ARHGEF18: variants seen among roughly 807,000 people sequenced by gnomAD.
ARHGEF18 encodes the protein rho guanine nucleotide exchange factor 18.
A neutral mutation model predicts 155.7 loss-of-function variants in ARHGEF18; 93 were observed. The ratio of observed to expected loss-of-function variants is 0.60; its 90% CI spans 0.50 to 0.71. The LOEUF (loss-of-function observed/expected upper bound fraction) is 0.71. Ranked by LOEUF, ARHGEF18 falls within the 30% of genes least tolerant of loss-of-function variation. The pLI, the probability that ARHGEF18 is intolerant of heterozygous loss-of-function variation, is 0.00. For synonymous variants in ARHGEF18, 742 were observed against 753.1 expected, an observed-to-expected ratio of 0.99 and a Z score of 0.24; for missense variants, 1,593 against 1,816.1, an observed-to-expected ratio of 0.88 and a Z score of 2.23.
intron 10 of ARHGEF18, among the ~76,000 whole-genome samples, chr19:7,407,315 A>G (rs1972377170): frequency 6.6e-6 from 1 of 151,566 alleles, no homozygotes. Context: ...AATCCCAGCT[A>G]CTCAGGAGGC....
At chr19:7,353,064 G>A (rs1433505348) in intron 1 of ARHGEF18, among the ~76,000 whole-genome samples, 2 of 147,438 alleles carry the variant, frequency 1.4e-5, no homozygotes, top group East Asian at 2.1e-4. Flanking sequence ...TCGAACTCCT[G>A]ACCTCCAGTG....
intron 10 of ARHGEF18, among the ~76,000 whole-genome samples, chr19:7,410,764 T>C (rs1438078656): frequency 1.4e-5 from 2 of 139,584 alleles, no homozygotes; most frequent in African/African-American, 5.2e-5. Flanking sequence ...GATCTGAGAT[T>C]GTGCTATTGC....
intron 17 of ARHGEF18, among the ~76,000 whole-genome samples, chr19:7,456,073 CAT>C (rs1483568108): frequency 6.6e-6 from 1 of 152,244 alleles, no homozygotes; most frequent in Non-Finnish European, 1.5e-5. Flanking sequence ...AGTGGCCTGA[CAT>C]GGGCGGGAGC....
chr19:7,433,613 G>A (rs1324086127), intron 10 of ARHGEF18, among the ~76,000 whole-genome samples: 1 of 150,864 alleles, frequency 6.6e-6, no homozygotes, highest in Non-Finnish European at 1.5e-5. Flanking sequence ...GGTGAGTCCT[G>A]TTCCTGTAAG....
chr19:7,465,285 C>A lies in ARHGEF18; in HGVS notation c.2904+595C>A, dbSNP rs76117075. ...GCAGGGCCTGTGTTCCCAGTCATGACCCGGTCCTGGGTCCTTCCTGTTATC... is the reference window on the plus strand; with the variant it reads ...GCAGGGCCTGTGTTCCCAGTCATGAACCGGTCCTGGGTCCTTCCTGTTATC... On this transcript the variant is annotated intron_variant, in intron 23 of 28. Coordinates refer to ENST00000668164, the MANE Select transcript of ARHGEF18 (RefSeq NM_001367823.1). Among the ~76,000 whole-genome samples, 692 of 152,292 alleles carry A rather than the reference C, an allele frequency of 4.5e-3. 8 individuals carry two copies. The highest frequency in any genetic ancestry group is 0.025 in the South Asian group (121 of 4,830).
chr19:7,423,564 G>A (rs1430764314), intron 10 of ARHGEF18, among the ~76,000 whole-genome samples: 1 of 151,970 alleles, frequency 6.6e-6, no homozygotes, highest in Non-Finnish European at 1.5e-5. Flanking sequence ...AGCCGGGCGT[G>A]GTAATGCATG....
intron 2 of ARHGEF18, among the ~76,000 whole-genome samples, chr19:7,363,922 GATAA>G (rs975762425): frequency 1.3e-5 from 2 of 151,362 alleles, no homozygotes; most frequent in Admixed American, 6.6e-5. Flanking sequence ...AAGGAGGATG[GATAA>G]ATAAAAGAAT....
intron 10 of ARHGEF18, among the ~76,000 whole-genome samples, chr19:7,400,741 G>A (rs1253593646): frequency 2.0e-5 from 3 of 152,172 alleles, no homozygotes; most frequent in Non-Finnish European, 2.9e-5. Context: ...GGCTGGAATG[G>A]AAGGATTGCT....
intron 10 of ARHGEF18, among the ~76,000 whole-genome samples, chr19:7,401,914 A>T (rs1972036270): frequency 6.6e-6 from 1 of 152,192 alleles, no homozygotes; most frequent in African/African-American, 2.4e-5. Context: ...AGAAGTTCCG[A>T]TACAGAGATG....
downstream of ARHGEF18, among the ~76,000 whole-genome samples, chr19:7,474,338 C>CA (rs1168948173): frequency 0.012 from 1,623 of 136,952 alleles, 22 homozygotes; most frequent in African/African-American, 0.04. Flanking sequence ...GACTTCGTCT[C>CA]AAAAAAAAAA....
chr19:7,463,787 A>G lies in ARHGEF18; in HGVS notation c.2636-31A>G. The stretch of plus-strand genomic sequence containing the variant: ...TCCCCCAGCACACTTCCGCAGGGCG[A>G]CCCGTGCCTCCTGTCCCCTTCCTTC... On this transcript the variant is annotated intron_variant, in intron 21 of 28. Coordinates refer to ENST00000668164, the MANE Select transcript of ARHGEF18 (RefSeq NM_001367823.1). This position sits in a 1 kb window ranked among gnomAD's most constrained non-coding sequence, Gnocchi z 5.2. 1 of 1,579,838 alleles carries G rather than the reference A, an allele frequency of 6.3e-7. No homozygotes were observed. Among genetic ancestry groups the G allele is most frequent in the Non-Finnish European group, 8.6e-7 (1 of 1,162,284 alleles).
At position 7,390,941 on chromosome 19, in the gene ARHGEF18, G is replaced by C. The variant is rs1387733604; in HGVS notation, c.967+7738G>C. Among the ~76,000 whole-genome samples, 3 of 152,250 alleles carry C rather than the reference G, an allele frequency of 2.0e-5. No individual in the cohort carries two copies. The East Asian group carries it at 5.8e-4, about 29-fold the overall frequency. On this transcript the variant is annotated intron_variant, in intron 10 of 28. Coordinates refer to ENST00000668164, the MANE Select transcript of ARHGEF18 (RefSeq NM_001367823.1). ...TGTAGTCCCAGCTACTTGGGAGACTGAGGCAGGAGAATCACTTGAACCCGG... is the reference window on the plus strand; with the variant it reads ...TGTAGTCCCAGCTACTTGGGAGACTCAGGCAGGAGAATCACTTGAACCCGG...
intron 15 of ARHGEF18, among the ~76,000 whole-genome samples, chr19:7,450,632 T>G: frequency 8.6e-6 from 1 of 115,702 alleles, no homozygotes; most frequent in African/African-American, 2.8e-5. Context: ...CCATTTCCAT[T>G]TCCAAGATGT....
chr19:7,373,470 T>TTTG (rs1568275284), intron 3 of ARHGEF18, among the ~76,000 whole-genome samples: 2 of 149,878 alleles, frequency 1.3e-5, no homozygotes, highest in East Asian at 3.9e-4. Flanking sequence ...TTTGTTTTTT[T>TTTG]TTTTTTGTTT....
At chr19:7,468,779 C>T in intron 26 of ARHGEF18, 46 bp from the exon 27 acceptor site, 2 of 1,482,372 alleles carry the variant, frequency 1.3e-6, no homozygotes, top group Non-Finnish European at 1.8e-6. Context: ...CCAGAGGCCG[C>T]ACAGCAGGAA....
chr19:7,450,164 C>T (rs1312902134), intron 15 of ARHGEF18, among the ~76,000 whole-genome samples: 39 of 151,532 alleles, frequency 2.6e-4, no homozygotes, highest in Non-Finnish European at 1.5e-4. Flanking sequence ...TGTCCATTTC[C>T]GAGATGTTAA....
Position 7,379,122 on chromosome 19 carries a change from G to T in ARHGEF18, c.600G>T (p.Val200=), listed in dbSNP as rs1310972599. The T allele has an allele frequency of 2.6e-5, 32 of 1,232,430 alleles. No homozygotes were observed. Among genetic ancestry groups the T allele is most frequent in the Non-Finnish European group, 3.1e-5 (31 of 988,226 alleles). The allele number at this position is 1,232,430 out of a possible 1,614,324, so 76.3% of individuals were successfully genotyped here. ...MEKDHVEPDH[V]LIVQQVLQEL... is the part of the protein sequence containing the mutation. ...TCTAATCCCACCTCCACCCCCACAGGCTGATTGTCCAGCAGGTGCTTCAAG... is the reference window on the plus strand; with the variant it reads ...TCTAATCCCACCTCCACCCCCACAGTCTGATTGTCCAGCAGGTGCTTCAAG... Residue 200 remains valine (V), a splice_region_variant and synonymous_variant, in exon 7 of 29, where the codon GTG becomes GTT. Coordinates refer to ENST00000668164, the MANE Select transcript of ARHGEF18 (RefSeq NM_001367823.1).
At chr19:7,446,993 C>A in intron 14 of ARHGEF18, 50 bp from the exon 15 acceptor site, 1 of 1,594,874 alleles carries the variant, frequency 6.3e-7, no homozygotes, top group Non-Finnish European at 8.5e-7. Context: ...TGAAAATACT[C>A]TTTGGCAGTT....
downstream of ARHGEF18, among the ~76,000 whole-genome samples, chr19:7,473,980 C>A (rs1977151135): frequency 6.9e-6 from 1 of 145,576 alleles, no homozygotes; most frequent in African/African-American, 2.6e-5. Flanking sequence ...GAGACCCTGT[C>A]TATAAGAGCT....
Sources: gnomAD v4.1 joint callset for allele counts (sites outside exome capture counted in the v4.1 genomes callset) on GRCh38, gnomAD v4.1.1 for gene constraint, Gnocchi (gnomAD v3.1) non-coding constraint, MANE v1.5 for transcripts, NCBI Gene and HGNC (gene_info 2026-07-23, HGNC 2026-07-21) for gene names.